The following TBC1D5 variants were observed in gnomAD, a reference collection of about 807,000 sequenced individuals.
TBC1D5 encodes the protein TBC1 domain family, member 5.
In TBC1D5, 75 loss-of-function variants were observed where a neutral mutation model predicts 100.3. The observed-to-expected ratio is 0.75, with a 90% CI of 0.62 to 0.91. TBC1D5 has a LOEUF of 0.91. TBC1D5 is among the 40% of genes least tolerant of loss of function. TBC1D5 has a pLI of 0.00. For synonymous variants in TBC1D5, 323 were observed against 325.6 expected (o/e 0.99, Z 0.09); for missense variants, 910 against 942.4 (o/e 0.97, Z 0.45).
intron 16 of TBC1D5, among the ~76,000 whole-genome samples, chr3:17,250,398 T>C (rs1018232617): frequency 6.6e-6 from 1 of 152,192 alleles, no homozygotes; most frequent in South Asian, 2.1e-4. Flanking sequence ...AGCCCTTTGG[T>C]GAATTCCCAA....
chr3:17,272,410 T>C (rs1276609356), intron 15 of TBC1D5, among the ~76,000 whole-genome samples: 1 of 152,122 alleles, frequency 6.6e-6, no homozygotes, highest in East Asian at 1.9e-4. Context: ...TTTAATGAAA[T>C]AAACCACAGC....
At chr3:17,351,251 A>C (rs1397234958) in intron 13 of TBC1D5, among the ~76,000 whole-genome samples, 1 of 152,184 alleles carries the variant, frequency 6.6e-6, no homozygotes, top group Non-Finnish European at 1.5e-5. Context: ...AAGGATTATA[A>C]ATCATTCTAC....
At chr3:17,533,608 G>A (rs115177452) in intron 2 of TBC1D5, among the ~76,000 whole-genome samples, 2 of 152,232 alleles carry the variant, frequency 1.3e-5, no homozygotes, top group African/African-American at 4.8e-5. Flanking sequence ...AGATTGGATT[G>A]GATAAATTTA....
intron 9 of TBC1D5, among the ~76,000 whole-genome samples, chr3:17,380,612 T>C (rs2092909062): frequency 6.6e-6 from 1 of 152,078 alleles, no homozygotes; most frequent in South Asian, 2.1e-4. Flanking sequence ...CTTAAAAGCC[T>C]TTATCCCTGC....
chr3:17,530,258 A>AG (rs2096202619), intron 2 of TBC1D5, among the ~76,000 whole-genome samples: 1 of 152,050 alleles, frequency 6.6e-6, no homozygotes, highest in African/African-American at 2.4e-5. Flanking sequence ...AAAAAAAAAA[A>AG]AAAAGGGAAA....
chr3:17,483,472 A>G (rs2095524136), intron 3 of TBC1D5, among the ~76,000 whole-genome samples: 1 of 152,212 alleles, frequency 6.6e-6, no homozygotes, highest in Non-Finnish European at 1.5e-5. Flanking sequence ...AGAAAACTCA[A>G]AACTTTGCAT....
At chr3:17,459,246 T>C (rs901265213) in intron 3 of TBC1D5, among the ~76,000 whole-genome samples, 1 of 152,196 alleles carries the variant, frequency 6.6e-6, no homozygotes, top group Non-Finnish European at 1.5e-5. Context: ...GAATACAATT[T>C]TTCCACAGGT....
intron 2 of TBC1D5, among the ~76,000 whole-genome samples, chr3:17,541,003 G>T (rs1307878496): frequency 6.7e-6 from 1 of 148,574 alleles, no homozygotes; most frequent in Admixed American, 6.7e-5. Context: ...TCTCTCTTCT[G>T]TTTCATTGGT....
intron 14 of TBC1D5, among the ~76,000 whole-genome samples, chr3:17,294,152 C>G (rs955999324): frequency 5.3e-5 from 8 of 152,196 alleles, no homozygotes; most frequent in African/African-American, 1.9e-4. Flanking sequence ...ACTAGAAGAT[C>G]AGCATAAACC....
chr3:17,378,333 G>A (rs1410574771), intron 9 of TBC1D5, among the ~76,000 whole-genome samples: 2 of 151,730 alleles, frequency 1.3e-5, no homozygotes, highest in East Asian at 3.9e-4. Flanking sequence ...GCTGTCTCCA[G>A]AAAGAATTCC....
intron 3 of TBC1D5, among the ~76,000 whole-genome samples, chr3:17,488,023 T>C (rs952063146): frequency 1.3e-5 from 2 of 152,202 alleles, no homozygotes; most frequent in African/African-American, 2.4e-5. Context: ...CTTCACTCTT[T>C]GTGCTATACA....
At chr3:17,362,454 G>C (rs1456102323) in intron 13 of TBC1D5, among the ~76,000 whole-genome samples, 1 of 151,884 alleles carries the variant, frequency 6.6e-6, no homozygotes. Flanking sequence ...TATTCAAAAA[G>C]GGCAAAAGAT....
intron 1 of TBC1D5, among the ~76,000 whole-genome samples, chr3:17,694,729 T>G (rs543226044): frequency 1.6e-3 from 236 of 152,174 alleles, no homozygotes; most frequent in Non-Finnish European, 2.3e-3. Flanking sequence ...AACATTCAAA[T>G]TCAGGAAATA....
At chr3:17,170,094 GC>G (rs2067024472) in intron 19 of TBC1D5, among the ~76,000 whole-genome samples, 1 of 152,222 alleles carries the variant, frequency 6.6e-6, no homozygotes, top group Admixed American at 6.5e-5. Flanking sequence ...CAGTACTGGT[GC>G]ATGACCCAGG....
At chr3:17,664,932 G>A (rs1385993188) in intron 1 of TBC1D5, 1 of 147,210 alleles carries the variant, frequency 6.8e-6, no homozygotes, top group Non-Finnish European at 1.5e-5. Context: ...CCACAGCCTT[G>A]AATGAAGACT....
intron 1 of TBC1D5, among the ~76,000 whole-genome samples, chr3:17,715,109 T>C (rs1292897358): frequency 6.6e-6 from 1 of 152,236 alleles, no homozygotes; most frequent in Non-Finnish European, 1.5e-5. Context: ...AGATGCAGGA[T>C]GAGTATTTTA....
At chr3:17,253,423 A>C (rs1463183246) in intron 16 of TBC1D5, among the ~76,000 whole-genome samples, 1 of 152,218 alleles carries the variant, frequency 6.6e-6, no homozygotes, top group Non-Finnish European at 1.5e-5. Flanking sequence ...ATTTAGGTAA[A>C]ACAGTAACAT....
In TBC1D5 at chr3:17,413,752, G is replaced by A. The variant is rs1031454578; in HGVS notation, c.168-7226C>T. 2.6e-5 allele frequency among the ~76,000 whole-genome samples: 4 copies of A among 152,248 alleles called. No homozygotes were observed. The East Asian group carries it at 7.7e-4, about 29-fold the overall frequency. On this transcript the variant is annotated intron_variant, in intron 4 of 21. Coordinates refer to ENST00000253692, the Ensembl canonical transcript of TBC1D5. ...CTATGGAAAACACTAATTTTACACT[G>A]TATAGGTTTATATGATGGTTTCTAT...
chr3:17,226,310 CT>C (rs11311989), intron 17 of TBC1D5, among the ~76,000 whole-genome samples: 53,618 of 137,618 alleles, frequency 0.39, 10,438 homozygotes, highest in Middle Eastern at 0.47. Context: ...CTCTACATAC[CT>C]TTTTTTTTTT....
Sources: gnomAD v4.1 joint callset for allele counts (sites outside exome capture counted in the v4.1 genomes callset) on GRCh38, gnomAD v4.1.1 for gene constraint, MANE v1.5 for transcripts, NCBI Gene and HGNC (gene_info 2026-07-23, HGNC 2026-07-21) for gene names.